Variants in ZNF142 observed in about 807,000 individuals in gnomAD.
The protein encoded by ZNF142 is zinc finger protein 142.
ZNF142 carries 96 observed loss-of-function variants against 132.1 expected under a neutral mutation model. The observed-to-expected ratio is 0.73, with a 90% CI of 0.62 to 0.86. The LOEUF is 0.86. Among genes scored for constraint, ZNF142 ranks in the 40% least tolerant of loss-of-function variants. The pLI is 0.00. For missense variants in ZNF142, 2,163 were observed against 2,336.2 expected, an observed-to-expected ratio of 0.93 and a Z score of 1.53; for synonymous variants, 842 against 890.1, an observed-to-expected ratio of 0.95 and a Z score of 0.96.
intron 10 of ZNF142, among the ~76,000 whole-genome samples, chr2:218,640,213 G>A (rs560690643): frequency 3.3e-5 from 5 of 152,164 alleles, no homozygotes; most frequent in Admixed American, 6.5e-5. Flanking sequence ...ACAGGCACAC[G>A]ATTGTGTGCT....
In ZNF142 at chr2:218,638,408, C is replaced by T; in HGVS notation, c.5595G>A (p.Leu1865=). 2 of 1,548,486 alleles carry T rather than the reference C, an allele frequency of 1.3e-6. No homozygotes were observed. Among genetic ancestry groups the T allele is most frequent in the African/African-American group, 1.4e-5 (1 of 73,512 alleles). The change falls in exon 11 of 11, where the codon CTG becomes CTA. Residue 1865 remains leucine, a synonymous_variant. Coordinates refer to ENST00000411696, the MANE Select transcript of ZNF142 (RefSeq NM_001379659.1). ...TGGGATCCTCCAGCTGCACATCATG[C>T]AGGTGCACTGTGGGGGTGGTGGGGT... ...GKDPTTPTVH[L]HDVQLEDPSP... is the part of the protein sequence containing the mutation.
At chr2:218,649,853 A>G (rs553927105) in intron 6 of ZNF142, among the ~76,000 whole-genome samples, 77 of 152,356 alleles carry the variant, frequency 5.1e-4, no homozygotes, top group Middle Eastern at 6.8e-3. Context: ...AGCCAAAAGA[A>G]GGTACAGTAC....
chr2:218,640,536 C>T (rs1445598232), intron 10 of ZNF142, 128 bp downstream of exon 10: 1 of 785,162 alleles, frequency 1.3e-6, no homozygotes, highest in East Asian at 2.7e-5. Flanking sequence ...TACAACCCCA[C>T]CCTGCTGTCT....
rs370597359 is a variant in ZNF142 at position 218,644,276 on chromosome 2, G to A, written c.2840C>T (p.Thr947Ile). The change falls in exon 9 of 11, where the codon ACT becomes ATT. Residue 947 changes from threonine to isoleucine, a missense_variant. This residue lies in a region of ZNF142 where 749 missense variants were observed against 830.3 expected (regional missense o/e 0.90). Coordinates refer to ENST00000411696, the MANE Select transcript of ZNF142 (RefSeq NM_001379659.1). This position sits in a 1 kb window ranked among gnomAD's most constrained non-coding sequence, Gnocchi z 4.6. The stretch of plus-strand genomic sequence containing the variant: ...ATTTTCTTCAGCACTCAAGTCAGAA[G>A]TCCCAATACCTTCAAAGCTAGATAG... ...PELSSFEGIG[T>I]SDLSAEENPL... The A allele has an allele frequency of 5.4e-5, 87 of 1,613,998 alleles. No individual in the cohort carries two copies. The highest frequency in any genetic ancestry group is 7.2e-5 in the Non-Finnish European group (85 of 1,180,006).
rs879162544 is a variant in ZNF142 at position 218,637,085 on chromosome 2, C to T, written c.*1254G>A. ...GAGACTTGACCCCAGGACTGTACTA[C>T]GACTCTTAAGAGAACACTGCACAGC... On this transcript the variant is annotated 3_prime_UTR_variant, in exon 11 of 11. Coordinates refer to ENST00000411696, the MANE Select transcript of ZNF142 (RefSeq NM_001379659.1). 1.0e-4 allele frequency: 37 copies of T among 368,658 alleles called. No homozygotes were observed. Among genetic ancestry groups the T allele is most frequent in the South Asian group, 2.5e-4 (12 of 47,678 alleles). The allele number at this position is 368,658 out of a possible 1,614,324, so 22.8% of individuals were successfully genotyped here.
Position 218,643,515 on chromosome 2 carries a change from G to A in ZNF142, c.3601C>T (p.Leu1201Phe), listed in dbSNP as rs1281287544. ...TTTCCTGCAGGAGGGACTGGGTCAAGGTGGTGCTTCTTAGGGGCCTCCGTG... is the reference window on the plus strand; with the variant it reads ...TTTCCTGCAGGAGGGACTGGGTCAAAGTGGTGCTTCTTAGGGGCCTCCGTG... ...SPTEAPKKHHLDPVPPAGNSS... is the reference protein window; with the variant it reads ...SPTEAPKKHHFDPVPPAGNSS... The change falls in exon 9 of 11, where the codon CTT becomes TTT. Residue 1201 changes from leucine (L) to phenylalanine (F), a missense_variant. Leu to Phe is a conservative substitution (Grantham distance 22). Coordinates refer to ENST00000411696, the MANE Select transcript of ZNF142 (RefSeq NM_001379659.1). 2 of 1,611,234 alleles carry A rather than the reference G, an allele frequency of 1.2e-6. No homozygotes were observed. Among genetic ancestry groups the A allele is most frequent in the Non-Finnish European group, 1.7e-6 (2 of 1,178,258 alleles).
chr2:218,642,814 G>A lies in ZNF142; in HGVS notation c.4302C>T (p.Pro1434=). The A allele has an allele frequency of 1.2e-6, 2 of 1,614,214 alleles. No homozygotes were observed. The highest frequency in any genetic ancestry group is 1.7e-6 in the Non-Finnish European group (2 of 1,180,046). ...GIGRIPCSSC[P]QTFGTNSKLR... ...GTTTCGAGTTGGTACCAAACGTCTGGGGGCAAGAGCTGCAGGGGATGCGGC... is the reference window on the plus strand; with the variant it reads ...GTTTCGAGTTGGTACCAAACGTCTGAGGGCAAGAGCTGCAGGGGATGCGGC... Residue 1434 remains proline (P), a synonymous_variant, in exon 9 of 11, where the codon CCC becomes CCT. Coordinates refer to ENST00000411696, the MANE Select transcript of ZNF142 (RefSeq NM_001379659.1). This position sits in a 1 kb window ranked among gnomAD's most constrained non-coding sequence, Gnocchi z 4.6.
chr2:218,657,463 C>T (rs902807566), intron 3 of ZNF142, among the ~76,000 whole-genome samples: 2 of 152,122 alleles, frequency 1.3e-5, no homozygotes. Flanking sequence ...CAGTCTTAGT[C>T]TGTCACCTAG....
Position 218,642,893 on chromosome 2 carries a change from G to C in ZNF142, c.4223C>G (p.Ser1408Trp). 3 of 1,614,048 alleles carry C rather than the reference G, an allele frequency of 1.9e-6. No individual in the cohort carries two copies. The highest frequency in any genetic ancestry group is 2.5e-6 in the Non-Finnish European group (3 of 1,180,024). ...KPHQCPFCDF[S>W]TTRRYRLEAH... ...CTCTAACCGGTACCGTCTGGTGGTC[G>C]AAAAGTCACAGAAGGGGCACTGATG... Residue 1408 changes from serine to tryptophan, a missense_variant, in exon 9 of 11, where the codon TCG becomes TGG. Transcript: ENST00000411696. This position sits in a 1 kb window ranked among gnomAD's most constrained non-coding sequence, Gnocchi z 4.6.
At chr2:218,656,946 T>C (rs1053303428) in intron 3 of ZNF142, among the ~76,000 whole-genome samples, 8 of 151,184 alleles carry the variant, frequency 5.3e-5, no homozygotes, top group African/African-American at 1.9e-4. Flanking sequence ...GCCTCCCCAA[T>C]AGCTGGACTA....
chr2:218,644,934 G>C lies in ZNF142; in HGVS notation c.2182C>G (p.Gln728Glu). Reference sequence around the variant, plus strand: ...TGGTGCTGGGAAGCCATGTGCTTCTGCAGCTCATACTTCCGCTTGCAGGCG... The same window carrying C: ...TGGTGCTGGGAAGCCATGTGCTTCTCCAGCTCATACTTCCGCTTGCAGGCG... ...AFACKRKYEL[Q>E]KHMASQHHPG... The change falls in exon 9 of 11, where the codon CAG (glutamine) becomes GAG (glutamate). Residue 728 changes from glutamine to glutamate, a missense_variant. Transcript: ENST00000411696. The surrounding 1 kb of genome is among the most constrained non-coding windows in gnomAD (Gnocchi z 4.6). 4.3e-6 allele frequency: 7 copies of C among 1,614,194 alleles called. No homozygotes were observed. Among genetic ancestry groups the C allele is most frequent in the Non-Finnish European group, 5.9e-6 (7 of 1,180,022 alleles).
chr2:218,636,619 C>A lies in ZNF142; in HGVS notation c.*1720G>T. 2 of 1,569,116 alleles carry A rather than the reference C, an allele frequency of 1.3e-6. No individual in the cohort carries two copies. Among genetic ancestry groups the A allele is most frequent in the East Asian group, 2.3e-5 (1 of 44,310 alleles). ...GAAGGGTTGGTGTGCTGGCTTTAGA[C>A]GGGGAGAAACATCTGGAAGGATGCT... On this transcript the variant is annotated 3_prime_UTR_variant, in exon 11 of 11. Transcript: ENST00000411696.
rs765258425 is a variant in ZNF142, at chr2:218,656,194, GTC to G, written c.234_235del (p.Glu78AspfsTer28). 1.2e-6 allele frequency: 2 copies of G among 1,610,876 alleles called. No individual in the cohort carries two copies. The highest frequency in any genetic ancestry group is 1.7e-6 in the Non-Finnish European group (2 of 1,178,182). ...ACCTGGGGTCAGGGTTCCAGCTACT[GTC>G]TCCACAATGATCTCCATGTTCCCTG... On this transcript the variant is annotated frameshift_variant, in exon 4 of 11. Transcript: ENST00000411696. LOFTEE classifies it high-confidence loss of function.
Position 218,658,885 on chromosome 2 carries a change from G to A in ZNF142, c.-210-9C>T, listed in dbSNP as rs1938937754. ...TCTTCCGGGCAGGAGGGCTGAGGAA[G>A]AGAAAGGACAGACTAAGGCAGAGAG... On this transcript the variant is annotated splice_polypyrimidine_tract_variant and intron_variant, in intron 2 of 10. Coordinates refer to ENST00000411696, the MANE Select transcript of ZNF142 (RefSeq NM_001379659.1). 6.6e-6 allele frequency: 1 copy of A among 152,326 alleles called. No homozygotes were observed. Among genetic ancestry groups the A allele is most frequent in the Non-Finnish European group, 1.5e-5 (1 of 68,130 alleles). The allele number at this position is 152,326 out of a possible 1,614,324, so 9.4% of individuals were successfully genotyped here. A position where few individuals can be genotyped will look rare whatever the true frequency, so the allele number is the denominator to read the frequency against.
At chr2:218,655,345 C>A (rs1047657319) in intron 4 of ZNF142, among the ~76,000 whole-genome samples, 1 of 152,050 alleles carries the variant, frequency 6.6e-6, no homozygotes, top group Non-Finnish European at 1.5e-5. Context: ...GAAGTGGTGA[C>A]AACTATGGCT....
In ZNF142 at chr2:218,644,005, G is replaced by A; in HGVS notation, c.3111C>T (p.Arg1037=). ...GAGTGATAAAAGGGCAGTGTGGGCA[G>A]CGGAAGGCTCGCCCCTCTCCCTGGA... ...VVIQGEGRAF[R]CPHCPFITRR... The change falls in exon 9 of 11, where the codon CGC becomes CGT. Residue 1037 remains arginine, a synonymous_variant. Transcript: ENST00000411696. This position sits in a 1 kb window ranked among gnomAD's most constrained non-coding sequence, Gnocchi z 4.6. The A allele has an allele frequency of 6.2e-7, 1 of 1,614,170 alleles. No individual in the cohort carries two copies. Among genetic ancestry groups the A allele is most frequent in the Non-Finnish European group, 8.5e-7 (1 of 1,180,026 alleles).
chr2:218,640,741 C>T lies in ZNF142; in HGVS notation c.5117G>A (p.Arg1706Gln), dbSNP rs768328968. 2.0e-5 allele frequency: 33 copies of T among 1,614,056 alleles called. No individual in the cohort carries two copies. The highest frequency in any genetic ancestry group is 4.0e-5 in the African/African-American group (3 of 74,920). Reference protein sequence around the residue: ...KYHMRIHKEERKYLCPECGYK... With the variant: ...KYHMRIHKEEQKYLCPECGYK... ...GCCACACTCAGGGCACAGGTACTTC[C>T]GTTCCTCCTTGTGGATCCGCATGTG... The change falls in exon 10 of 11, where the codon CGG (arginine) becomes CAG (glutamine). Residue 1706 changes from arginine to glutamine, a missense_variant. This residue lies in a region of ZNF142 where 325 missense variants were observed against 367.8 expected (regional missense o/e 0.88). Transcript: ENST00000411696.
Position 218,643,657 on chromosome 2 carries a change from TTC to T in ZNF142, c.3457_3458del (p.Glu1153ArgfsTer24), listed in dbSNP as rs1476055113. On this transcript the variant is annotated frameshift_variant, in exon 9 of 11. Coordinates refer to ENST00000411696, the MANE Select transcript of ZNF142 (RefSeq NM_001379659.1). LOFTEE classifies it high-confidence loss of function. ...AACCAGAGACTGTGGCAAGAGGCTCTTCTGTTTCTTCTGGCTCCCTGGGAAGC... is the reference window on the plus strand; with the variant it reads ...AACCAGAGACTGTGGCAAGAGGCTCTTGTTTCTTCTGGCTCCCTGGGAAGC... Reference protein sequence around the residue: ...LELPREPEETEEPLATVSGSP... With the variant: ...LELPREPEETXEPLATVSGSP... The T allele has an allele frequency of 2.6e-6, 4 of 1,549,354 alleles. No homozygotes were observed. The highest frequency in any genetic ancestry group is 2.1e-5 in the Admixed American group (1 of 48,586).
chr2:218,641,243 ATTTTTTTT>A (rs71276228), intron 9 of ZNF142, among the ~76,000 whole-genome samples: 4 of 103,920 alleles, frequency 3.8e-5, no homozygotes, highest in African/African-American at 1.1e-4. Context: ...CTGGCCGATA[ATTTTTTTT>A]TTTTTTTTTT....
Sources: allele counts gnomAD v4.1 joint callset (sites outside exome capture counted in the v4.1 genomes callset), GRCh38; gene constraint gnomAD v4.1.1; regional missense constraint gnomAD v4.1.1; non-coding constraint Gnocchi (gnomAD v3.1); transcripts MANE v1.5; gene names NCBI Gene and HGNC (gene_info 2026-07-23, HGNC 2026-07-21).